OR2L3: variants seen among roughly 807,000 people sequenced by gnomAD.
OR2L3 encodes olfactory receptor family 2 subfamily L member 3.
For synonymous variants in OR2L3, 131 were observed against 139.1 expected, an observed-to-expected ratio of 0.94 and a Z score of 0.41; for missense variants, 369 against 376.6, an observed-to-expected ratio of 0.98 and a Z score of 0.17.
At chr1:248,052,687 T>C (rs1663302445) in intron 1 of OR2L3, among the ~76,000 whole-genome samples, 1 of 152,054 alleles carries the variant, frequency 6.6e-6, no homozygotes, top group African/African-American at 2.4e-5. Context: ...CCTGAGATGG[T>C]GCCACTGCAC....
intron 1 of OR2L3, among the ~76,000 whole-genome samples, chr1:248,050,631 G>A (rs2103110888): frequency 6.6e-6 from 1 of 152,158 alleles, no homozygotes; most frequent in East Asian, 1.9e-4. Flanking sequence ...TTTAAAATTA[G>A]GATAATGTTA....
At chr1:248,053,401 G>T (rs993643075) in intron 1 of OR2L3, among the ~76,000 whole-genome samples, 1 of 152,166 alleles carries the variant, frequency 6.6e-6, no homozygotes. Context: ...TGTGGATAGT[G>T]CTGCAATGAA....
chr1:248,060,609 T>G, intron 1 of OR2L3, 52 bp from the exon 2 acceptor site: 1 of 1,233,096 alleles, frequency 8.1e-7, no homozygotes, highest in Non-Finnish European at 1.2e-6. Flanking sequence ...ATGCATTCCC[T>G]GCAGATAAAG....
rs770919474 is a variant in OR2L3 at position 248,061,094 on chromosome 1, GAA to G, written c.414_415del (p.Arg138SerfsTer41). ...CACTATCCCATCCGCATGAGCAAAAGAATGTGTGTGCTGATGATAACAGGGTC... is the reference window on the plus strand; with the variant it reads ...CACTATCCCATCCGCATGAGCAAAAGTGTGTGTGCTGATGATAACAGGGTC... On this transcript the variant is annotated frameshift_variant, in exon 2 of 2. Transcript: ENST00000359959. LOFTEE classifies it low-confidence loss of function (END_TRUNC). 8.2e-5 allele frequency: 133 copies of G among 1,613,984 alleles called. No individual in the cohort carries two copies. Among genetic ancestry groups the G allele is most frequent in the Non-Finnish European group, 1.1e-4 (124 of 1,180,002 alleles).
In OR2L3 at chr1:248,061,816, G is replaced by A. The variant is rs769529726; in HGVS notation, c.*196G>A. ...CTCCAAACAACCTTTTTTCTTCATG[G>A]CATTGTTTCCATAAATTTTGAAAGC... On this transcript the variant is annotated 3_prime_UTR_variant, in exon 2 of 2. Transcript: ENST00000359959. The A allele has an allele frequency of 4.6e-6, 2 of 435,928 alleles. No individual in the cohort carries two copies. Among genetic ancestry groups the A allele is most frequent in the East Asian group, 3.5e-5 (1 of 28,940 alleles). The allele number at this position is 435,928 out of a possible 1,614,324, so 27.0% of individuals were successfully genotyped here.
At chr1:248,053,083 C>G (rs56122589) in intron 1 of OR2L3, among the ~76,000 whole-genome samples, 1 of 152,014 alleles carries the variant, frequency 6.6e-6, no homozygotes, top group African/African-American at 2.4e-5. Flanking sequence ...TGCACTAGCT[C>G]TTTTCCCTAA....
At chr1:248,057,713 C>T (rs1663478564) in intron 1 of OR2L3, among the ~76,000 whole-genome samples, 1 of 151,962 alleles carries the variant, frequency 6.6e-6, no homozygotes, top group African/African-American at 2.4e-5. Context: ...GTTTTTAACT[C>T]CTTGGTTAGG....
In OR2L3 at chr1:248,048,923, C is replaced by CTTTT. The variant is rs140115140; in HGVS notation, c.-22+2054_-22+2057dup. Among the ~76,000 whole-genome samples the CTTTT allele has an allele frequency of 7.6e-4, 107 of 141,702 alleles. 2 individuals are homozygous for CTTTT. Among genetic ancestry groups the CTTTT allele is most frequent in the African/African-American group, 2.6e-3 (103 of 38,996 alleles). The allele number at this position is 141,702 out of a possible 152,430, so 93.0% of individuals were successfully genotyped here. A position where few individuals can be genotyped will look rare whatever the true frequency, so the allele number is the denominator to read the frequency against. On this transcript the variant is annotated intron_variant, in intron 1 of 1. Transcript: ENST00000359959. Reference sequence around the variant, plus strand: ...GCTTTTTCTTTCCTTTTCTCTCTCTCTTTTTTTTTTTTTTGGTAAATCCAC... The same window carrying CTTTT: ...GCTTTTTCTTTCCTTTTCTCTCTCTCTTTTTTTTTTTTTTTTTTGGTAAATCCAC...
intron 1 of OR2L3, among the ~76,000 whole-genome samples, chr1:248,048,131 A>T (rs1421682392): frequency 1.3e-5 from 2 of 152,138 alleles, no homozygotes; most frequent in African/African-American, 4.8e-5. Context: ...TAGCCATGGA[A>T]ATGTCTGTCT....
chr1:248,047,175 T>G (rs1336619004), intron 1 of OR2L3, among the ~76,000 whole-genome samples: 1 of 152,156 alleles, frequency 6.6e-6, no homozygotes, highest in East Asian at 1.9e-4. Context: ...CAAGTGAAAT[T>G]AAAGAACCCA....
chr1:248,058,115 C>T (rs1663499339), intron 1 of OR2L3, among the ~76,000 whole-genome samples: 1 of 152,088 alleles, frequency 6.6e-6, no homozygotes, highest in Non-Finnish European at 1.5e-5. Flanking sequence ...CCAACTGTCA[C>T]ATAATTTTTA....
intron 1 of OR2L3, among the ~76,000 whole-genome samples, chr1:248,058,818 A>G (rs1306861170): frequency 1.3e-5 from 2 of 152,002 alleles, no homozygotes; most frequent in Admixed American, 6.5e-5. Context: ...TGTTCCTCCA[A>G]TATGATTTCC....
intron 1 of OR2L3, among the ~76,000 whole-genome samples, chr1:248,053,279 T>C (rs1334907553): frequency 6.6e-6 from 1 of 152,230 alleles, no homozygotes; most frequent in Non-Finnish European, 1.5e-5. Context: ...GCAAAGGACA[T>C]GATCTTATTA....
At chr1:248,053,732 G>T (rs1196828373) in intron 1 of OR2L3, among the ~76,000 whole-genome samples, 1 of 152,112 alleles carries the variant, frequency 6.6e-6, no homozygotes, top group Non-Finnish European at 1.5e-5. Flanking sequence ...TTTAAAATAT[G>T]TTTGTTGGCC....
At position 248,061,392 on chromosome 1, in the gene OR2L3, C is replaced by T. The variant is rs753686882; in HGVS notation, c.711C>T (p.Tyr237=). Residue 237 remains tyrosine, a synonymous_variant, in exon 2 of 2, where the codon TAC becomes TAT. Coordinates refer to ENST00000359959, the MANE Select transcript of OR2L3 (RefSeq NM_001004687.2). Reference sequence around the variant, plus strand: ...CTGCAGAAGGGAGGAAGAAAGCCTACCTGACCTGCAGCACCCACCTCACTG... The same window carrying T: ...CTGCAGAAGGGAGGAAGAAAGCCTATCTGACCTGCAGCACCCACCTCACTG... The part of the protein sequence containing the change: ...MKSAEGRKKA[Y]LTCSTHLTVV... 2.0e-5 allele frequency: 32 copies of T among 1,613,990 alleles called. No individual in the cohort carries two copies. The highest frequency in any genetic ancestry group is 1.9e-4 in the African/African-American group (14 of 74,890).
chr1:248,047,675 C>A (rs992930349), intron 1 of OR2L3, among the ~76,000 whole-genome samples: 2 of 152,146 alleles, frequency 1.3e-5, no homozygotes, highest in Non-Finnish European at 2.9e-5. Context: ...ATAGAAATAG[C>A]TGCCTTAACA....
chr1:248,059,059 T>C (rs1218015767), intron 1 of OR2L3, among the ~76,000 whole-genome samples: 2 of 152,202 alleles, frequency 1.3e-5, no homozygotes, highest in Non-Finnish European at 2.9e-5. Flanking sequence ...TCTGAAGATA[T>C]GAATTCTGAT....
In OR2L3 at chr1:248,051,711, G is replaced by A. The variant is rs73143327; in HGVS notation, c.-22+4831G>A. On this transcript the variant is annotated intron_variant, in intron 1 of 1. Transcript: ENST00000359959. ...GCAACATATCCATGTAACAAACCAC[G>A]ATTGTACTCCCTGAATAAAAAAAAA... Among the ~76,000 whole-genome samples, 603 of 152,110 alleles carry A rather than the reference G, an allele frequency of 4.0e-3. 7 individuals carry two copies. Among genetic ancestry groups the A allele is most frequent in the African/African-American group, 0.013 (560 of 41,486 alleles).
At chr1:248,050,145 A>G (rs758798299) in intron 1 of OR2L3, among the ~76,000 whole-genome samples, 20 of 152,140 alleles carry the variant, frequency 1.3e-4, no homozygotes, top group Non-Finnish European at 2.1e-4. Context: ...GACGTAGTTC[A>G]GGTTTCAGGT....
Sources: gnomAD v4.1 joint callset for allele counts (sites outside exome capture counted in the v4.1 genomes callset) on GRCh38, gnomAD v4.1.1 for gene constraint, MANE v1.5 for transcripts, NCBI Gene and HGNC (gene_info 2026-07-23, HGNC 2026-07-21) for gene names.